The following RABGAP1L variants were observed in gnomAD, a reference collection of about 807,000 sequenced individuals.
RABGAP1L encodes the protein RAB GTPase activating protein 1 like.
Under a neutral mutation model 137.7 loss-of-function variants are expected in RABGAP1L, and 63 were observed. The observed-to-expected ratio is 0.46, with a 90% CI of 0.37 to 0.56. The LOEUF (loss-of-function observed/expected upper bound fraction) is 0.56, where lower values mean the gene tolerates loss of function less well. Among genes scored for constraint, RABGAP1L ranks in the 20% least tolerant of loss-of-function variants. The probability of loss-of-function intolerance (pLI) is 0.00; values close to 1 mark genes in which losing one functional copy is unlikely to be tolerated. For synonymous variants in RABGAP1L, 431 were observed against 433.7 expected, an observed-to-expected ratio of 0.99 and a Z score of 0.08; for missense variants, 1,095 against 1,244.0, an observed-to-expected ratio of 0.88 and a Z score of 1.80.
chr1:174,842,670 T>C (rs1403431090), intron 19 of RABGAP1L, among the ~76,000 whole-genome samples: 1 of 152,190 alleles, frequency 6.6e-6, no homozygotes, highest in African/African-American at 2.4e-5. Context: ...CACACAATCT[T>C]ACTCAAGATC....
At chr1:174,652,402 G>T (rs1303190796) in intron 14 of RABGAP1L, among the ~76,000 whole-genome samples, 2 of 152,138 alleles carry the variant, frequency 1.3e-5, no homozygotes, top group African/African-American at 4.8e-5. Context: ...GGAATTTTCA[G>T]CCTTTTTCCG....
chr1:174,537,178 G>A (rs968745541), intron 13 of RABGAP1L, among the ~76,000 whole-genome samples: 1 of 152,148 alleles, frequency 6.6e-6, no homozygotes, highest in Non-Finnish European at 1.5e-5. Context: ...CTTAGATGAA[G>A]TTTCAATTAA....
chr1:174,414,712 G>A (rs1650343404), intron 13 of RABGAP1L, among the ~76,000 whole-genome samples: 1 of 152,052 alleles, frequency 6.6e-6, no homozygotes, highest in South Asian at 2.1e-4. Context: ...TACCATAGCT[G>A]ATTAATTGAA....
chr1:174,529,682 C>T (rs1219902804), intron 13 of RABGAP1L, among the ~76,000 whole-genome samples: 1 of 152,058 alleles, frequency 6.6e-6, no homozygotes. Flanking sequence ...GGTTCTTAGG[C>T]CTCTGGGCAG....
At chr1:174,889,155 G>A (rs1460669453) in intron 19 of RABGAP1L, among the ~76,000 whole-genome samples, 1 of 144,812 alleles carries the variant, frequency 6.9e-6, no homozygotes, top group African/African-American at 2.5e-5. Context: ...ATGGAGTCTC[G>A]CTCTGTCACC....
At chr1:174,517,381 A>G (rs1340809446) in intron 13 of RABGAP1L, among the ~76,000 whole-genome samples, 3 of 152,154 alleles carry the variant, frequency 2.0e-5, no homozygotes, top group African/African-American at 7.2e-5. Context: ...ATTTTTTGTT[A>G]AAAGACTCCA....
chr1:174,959,016 C>T (rs911763369), intron 20 of RABGAP1L, among the ~76,000 whole-genome samples: 3 of 152,152 alleles, frequency 2.0e-5, no homozygotes, highest in Admixed American at 6.6e-5. Context: ...ATAATGCCAC[C>T]TTATGTGGGT....
At chr1:174,602,277 G>T (rs988834557) in intron 13 of RABGAP1L, among the ~76,000 whole-genome samples, 1 of 152,144 alleles carries the variant, frequency 6.6e-6, no homozygotes, top group South Asian at 2.1e-4. Context: ...CCTCAGAATC[G>T]CTGGGAGGCT....
intron 13 of RABGAP1L, among the ~76,000 whole-genome samples, chr1:174,550,921 C>CACACATACACATAT (rs1467484298): frequency 5.5e-5 from 5 of 90,956 alleles, no homozygotes; most frequent in African/African-American, 3.2e-4. Context: ...CACACACACA[C>CACACATACACATAT]ATATATATAT....
intron 14 of RABGAP1L, among the ~76,000 whole-genome samples, chr1:174,662,129 AG>A (rs1437729484): frequency 1.1e-5 from 1 of 87,280 alleles, no homozygotes; most frequent in Non-Finnish European, 2.1e-5. Flanking sequence ...TTTGAGTTGG[AG>A]TCTGGCTCTG....
chr1:174,673,796 G>C (rs1339269829), intron 14 of RABGAP1L, among the ~76,000 whole-genome samples: 2 of 152,102 alleles, frequency 1.3e-5, no homozygotes, highest in Non-Finnish European at 2.9e-5. Flanking sequence ...TTCTAGAGTT[G>C]AGCATGCTGA....
intron 13 of RABGAP1L, among the ~76,000 whole-genome samples, chr1:174,488,252 A>G (rs1659864844): frequency 1.3e-5 from 2 of 152,054 alleles, no homozygotes; most frequent in East Asian, 3.9e-4. Context: ...TTTCTTTGAG[A>G]AAGTCTGTAT....
At chr1:174,756,470 T>TATA (rs200682093) in intron 18 of RABGAP1L, among the ~76,000 whole-genome samples, 1 of 150,412 alleles carries the variant, frequency 6.6e-6, no homozygotes, top group African/African-American at 2.4e-5. Context: ...TATATATATA[T>TATA]TTTTTTTTGA....
At chr1:174,172,044 A>C (rs1665437760) in intron 1 of RABGAP1L, among the ~76,000 whole-genome samples, 1 of 152,106 alleles carries the variant, frequency 6.6e-6, no homozygotes. Flanking sequence ...TTTCATATAT[A>C]AATGAGATCA....
intron 13 of RABGAP1L, among the ~76,000 whole-genome samples, chr1:174,422,675 T>C (rs1337522962): frequency 1.3e-5 from 2 of 152,034 alleles, no homozygotes; most frequent in African/African-American, 4.8e-5. Flanking sequence ...TTTCTCTAGC[T>C]GAGCACGGTG....
intron 12 of RABGAP1L, among the ~76,000 whole-genome samples, chr1:174,371,795 G>A (rs1305552541): frequency 1.3e-5 from 2 of 152,108 alleles, no homozygotes; most frequent in Non-Finnish European, 2.9e-5. Context: ...CAAAGTCTGG[G>A]CGGAATTTCA....
At chr1:174,699,707 C>A in intron 16 of RABGAP1L, 57 bp downstream of exon 16, 1 of 1,469,494 alleles carries the variant, frequency 6.8e-7, no homozygotes, top group Non-Finnish European at 9.3e-7. Context: ...ATAGAAAAAG[C>A]CTAATAGAGT....
intron 6 of RABGAP1L, among the ~76,000 whole-genome samples, chr1:174,251,533 G>A (rs1396247021): frequency 6.6e-6 from 1 of 152,020 alleles, no homozygotes; most frequent in Non-Finnish European, 1.5e-5. Context: ...TTGAAATTGA[G>A]GTCATGTAAA....
chr1:174,162,672 A>G (rs1258536479), intron 1 of RABGAP1L, among the ~76,000 whole-genome samples: 1 of 150,744 alleles, frequency 6.6e-6, no homozygotes, highest in Non-Finnish European at 1.5e-5. Context: ...ATATTTTTAT[A>G]ACTCTTGACT....
Sources: allele counts gnomAD v4.1 joint callset (sites outside exome capture counted in the v4.1 genomes callset), GRCh38; gene constraint gnomAD v4.1.1; transcripts MANE v1.5; gene names NCBI Gene and HGNC (gene_info 2026-07-23, HGNC 2026-07-21).